C10orf90: variants seen among roughly 807,000 people sequenced by gnomAD.
C10orf90 encodes the protein (E2-independent) E3 ubiquitin-conjugating enzyme FATS.
In C10orf90, 56 loss-of-function variants were observed where a neutral mutation model predicts 62.5. That is an observed-to-expected ratio of 0.90 (90% confidence interval 0.72 to 1.12). C10orf90 has a LOEUF of 1.12. Among genes scored for constraint, C10orf90 ranks in the 50% most tolerant of loss-of-function variants. The probability of loss-of-function intolerance (pLI) is 0.00; values close to 1 mark genes in which losing one functional copy is unlikely to be tolerated. For synonymous variants in C10orf90, 386 were observed against 340.4 expected (o/e 1.13, Z -1.47); for missense variants, 970 against 880.4 (o/e 1.10, Z -1.29).
chr10:126,525,095 T>C (rs1434948789), intron 2 of C10orf90, among the ~76,000 whole-genome samples: 1 of 152,182 alleles, frequency 6.6e-6, no homozygotes, highest in Admixed American at 6.5e-5. Context: ...AGATCCATGC[T>C]GCAACAGGGT....
At chr10:126,585,459 G>GGGAGGGAGA (rs1372730445) in intron 2 of C10orf90, among the ~76,000 whole-genome samples, 2 of 147,680 alleles carry the variant, frequency 1.4e-5, no homozygotes, top group African/African-American at 2.5e-5. Context: ...GAGGGAAGAA[G>GGGAGGGAGA]GAAGGAAAGG....
intron 1 of C10orf90, among the ~76,000 whole-genome samples, chr10:126,657,655 G>A (rs1332957000): frequency 1.5e-5 from 2 of 133,620 alleles, no homozygotes; most frequent in African/African-American, 2.8e-5. Context: ...CACTCATGTT[G>A]CCCAGGCTAG....
At chr10:126,459,656 C>T (rs1181138876) in intron 6 of C10orf90, among the ~76,000 whole-genome samples, 1 of 152,222 alleles carries the variant, frequency 6.6e-6, no homozygotes, top group Non-Finnish European at 1.5e-5. Context: ...GAAGCACAGA[C>T]ACAGATCATC....
intron 1 of C10orf90, among the ~76,000 whole-genome samples, chr10:126,650,077 C>A (rs73370866): frequency 0.093 from 14,207 of 152,116 alleles, 684 homozygotes; most frequent in South Asian, 0.15. Flanking sequence ...CAGCCTCTGG[C>A]CTGCAGTGCC....
chr10:126,564,863 A>G (rs1417052173), intron 2 of C10orf90, among the ~76,000 whole-genome samples: 1 of 4,102 alleles, frequency 2.4e-4, no homozygotes, highest in Non-Finnish European at 5.0e-4. Flanking sequence ...TATAAAATAT[A>G]TATTATATAT....
Position 126,453,498 on chromosome 10 carries a change from G to A in C10orf90, c.2188+5542C>T, listed in dbSNP as rs1275390101. ...GGACGGCTTTGTAGAAGAAGGGGATGTTCCTGAAGGGTTTTCTACACATTC... is the reference window on the plus strand; with the variant it reads ...GGACGGCTTTGTAGAAGAAGGGGATATTCCTGAAGGGTTTTCTACACATTC... On this transcript the variant is annotated intron_variant, in intron 7 of 9. Transcript: ENST00000488181. The surrounding 1 kb of genome is among the most constrained non-coding windows in gnomAD (Gnocchi z 4.9). Among the ~76,000 whole-genome samples the A allele has an allele frequency of 1.3e-5, 2 of 152,074 alleles. No individual in the cohort carries two copies. The highest frequency in any genetic ancestry group is 2.9e-5 in the Non-Finnish European group (2 of 68,016).
chr10:126,618,181 C>T (rs1845579394), intron 2 of C10orf90, among the ~76,000 whole-genome samples: 2 of 152,162 alleles, frequency 1.3e-5, no homozygotes, highest in Non-Finnish European at 2.9e-5. Flanking sequence ...ATTGATGCAC[C>T]ATTATTTTTT....
At chr10:126,434,199 T>C (rs1356218131) in intron 7 of C10orf90, among the ~76,000 whole-genome samples, 10 of 152,152 alleles carry the variant, frequency 6.6e-5, no homozygotes. Context: ...AGACATCCCA[T>C]TAATCTCTAT....
intron 2 of C10orf90, chr10:126,521,278 T>C: frequency 6.2e-7 from 1 of 1,613,450 alleles, no homozygotes; most frequent in South Asian, 1.1e-5. Flanking sequence ...GTTATATCTG[T>C]GGAAAAAAAT....
At chr10:126,666,716 C>T (rs1007989012) in intron 1 of C10orf90, among the ~76,000 whole-genome samples, 1 of 152,032 alleles carries the variant, frequency 6.6e-6, no homozygotes, top group Non-Finnish European at 1.5e-5. Context: ...CGGTGGCTCA[C>T]ACCTGTAATC....
chr10:126,579,273 TTC>T (rs1421904511), intron 2 of C10orf90, among the ~76,000 whole-genome samples: 17 of 126,686 alleles, frequency 1.3e-4, no homozygotes, highest in African/African-American at 4.5e-4. Context: ...CTTTCTTTCT[TTC>T]TTTTTTTTTT....
intron 2 of C10orf90, among the ~76,000 whole-genome samples, chr10:126,598,795 TG>T (rs1287947834): frequency 1.3e-5 from 2 of 152,180 alleles, no homozygotes; most frequent in African/African-American, 4.8e-5. Context: ...TTCCCATCTC[TG>T]GCATTGGGGT....
intron 1 of C10orf90, among the ~76,000 whole-genome samples, chr10:126,664,040 A>T (rs968728414): frequency 2.4e-4 from 36 of 152,280 alleles, no homozygotes; most frequent in Middle Eastern, 3.4e-3. Flanking sequence ...TCACACTCTC[A>T]AGAGTCTCTT....
At chr10:126,599,306 C>T (rs1845148806) in intron 2 of C10orf90, among the ~76,000 whole-genome samples, 1 of 151,896 alleles carries the variant, frequency 6.6e-6, no homozygotes, top group Non-Finnish European at 1.5e-5. Context: ...CTGCCTCAGC[C>T]TTCCGAGTAG....
intron 2 of C10orf90, among the ~76,000 whole-genome samples, chr10:126,596,574 A>T (rs2804450): frequency 0.11 from 16,876 of 152,204 alleles, 1,684 homozygotes; most frequent in African/African-American, 0.24. Context: ...CCTAGCAAAC[A>T]TCAAAGCTTA....
intron 5 of C10orf90, among the ~76,000 whole-genome samples, chr10:126,463,679 G>A (rs1303627206): frequency 2.6e-5 from 4 of 152,168 alleles, no homozygotes; most frequent in Non-Finnish European, 5.9e-5. Flanking sequence ...ATTTGAAAAC[G>A]TCAAATATAC....
At chr10:126,564,740 T>C (rs1353300950) in intron 2 of C10orf90, among the ~76,000 whole-genome samples, 2 of 137,382 alleles carry the variant, frequency 1.5e-5, no homozygotes, top group East Asian at 2.1e-4. Flanking sequence ...CCTTCACTCA[T>C]CCCCACCCTC....
intron 4 of C10orf90, among the ~76,000 whole-genome samples, chr10:126,489,077 A>G (rs1861583712): frequency 6.6e-6 from 1 of 152,174 alleles, no homozygotes; most frequent in Non-Finnish European, 1.5e-5. Flanking sequence ...TTTTAAAAAG[A>G]AAACAACATA....
chr10:126,596,304 A>G (rs1845084813), intron 2 of C10orf90, among the ~76,000 whole-genome samples: 1 of 151,846 alleles, frequency 6.6e-6, no homozygotes. Flanking sequence ...CCTTGTCTCA[A>G]AAAAAAGTAA....
Sources: gnomAD v4.1 joint callset for allele counts (sites outside exome capture counted in the v4.1 genomes callset) on GRCh38, gnomAD v4.1.1 for gene constraint, Gnocchi (gnomAD v3.1) non-coding constraint, MANE v1.5 for transcripts, NCBI Gene and HGNC (gene_info 2026-07-23, HGNC 2026-07-21) for gene names.